SPMIP7: variants seen among roughly 807,000 people sequenced by gnomAD.
The protein encoded by SPMIP7 is sperm microtubule inner protein 7.
the SPMIP7 span, among the ~76,000 whole-genome samples, chr7:50,126,481 A>C: frequency 2.0e-5 from 3 of 151,966 alleles, no homozygotes; most frequent in Non-Finnish European, 4.4e-5. Context: ...CACCAATCTT[A>C]TATAGGTTAT....
chr7:50,133,248 T>C, the SPMIP7 span, among the ~76,000 whole-genome samples: 1 of 152,010 alleles, frequency 6.6e-6, no homozygotes, highest in Non-Finnish European at 1.5e-5. Flanking sequence ...TGTGTGTGTG[T>C]GTGTGTGTTT....
At chr7:50,099,537 G>A in the SPMIP7 span, among the ~76,000 whole-genome samples, 1 of 152,176 alleles carries the variant, frequency 6.6e-6, no homozygotes, top group Non-Finnish European at 1.5e-5. Context: ...ACCTGGTCTT[G>A]TAAAGAAGAA....
At chr7:50,115,297 A>G in the SPMIP7 span, among the ~76,000 whole-genome samples, 1 of 152,194 alleles carries the variant, frequency 6.6e-6, no homozygotes, top group Admixed American at 6.5e-5. Flanking sequence ...ACCTAATAAC[A>G]GAACTCAAAA....
the SPMIP7 span, among the ~76,000 whole-genome samples, chr7:50,142,324 G>C: frequency 1.7e-4 from 26 of 152,290 alleles, no homozygotes; most frequent in African/African-American, 6.3e-4. Context: ...TCTTCAAAGA[G>C]AGTGAAGAGC....
chr7:50,146,143 G>C, the SPMIP7 span, among the ~76,000 whole-genome samples: 2 of 152,140 alleles, frequency 1.3e-5, no homozygotes, highest in Admixed American at 1.3e-4. Context: ...CAATACTTCT[G>C]CCTTTTCAGA....
At chr7:50,135,594 A>C in the SPMIP7 span, among the ~76,000 whole-genome samples, 1 of 152,226 alleles carries the variant, frequency 6.6e-6, no homozygotes, top group African/African-American at 2.4e-5. Context: ...ATTTTAAAGG[A>C]TCTCTAAACT....
At chr7:50,137,838 T>C in the SPMIP7 span, among the ~76,000 whole-genome samples, 1 of 152,332 alleles carries the variant, frequency 6.6e-6, no homozygotes, top group African/African-American at 2.4e-5. Context: ...TTGTCCCTTT[T>C]GCTGTTGGGT....
chr7:50,151,431 T>C, the SPMIP7 span: 1 of 1,515,098 alleles, frequency 6.6e-7, no homozygotes, highest in Non-Finnish European at 9.0e-7. Context: ...TTTCCTCCTC[T>C]CTTAACTCTT....
At chr7:50,117,213 T>C in the SPMIP7 span, 1 of 455,076 alleles carries the variant, frequency 2.2e-6, no homozygotes, top group South Asian at 1.6e-5. Flanking sequence ...TTCACGCTGT[T>C]CATTCATGAA....
At chr7:50,151,509 A>G in the SPMIP7 span, 1 of 1,551,622 alleles carries the variant, frequency 6.4e-7, no homozygotes. Flanking sequence ...CACCCAGCAA[A>G]TTCTAATATT....
At chr7:50,116,734 A>G in the SPMIP7 span, among the ~76,000 whole-genome samples, 1 of 152,306 alleles carries the variant, frequency 6.6e-6, no homozygotes, top group African/African-American at 2.4e-5. Flanking sequence ...TGGGATTTTG[A>G]AAAGTTCTTT....
At chr7:50,140,783 T>C in the SPMIP7 span, among the ~76,000 whole-genome samples, 59 of 152,234 alleles carry the variant, frequency 3.9e-4, no homozygotes, top group Non-Finnish European at 7.3e-4. Flanking sequence ...CTAGTGTTTC[T>C]ACCAGTGGCC....
chr7:50,136,303 C>G, the SPMIP7 span: 3 of 637,754 alleles, frequency 4.7e-6, no homozygotes, highest in Middle Eastern at 4.2e-4. Context: ...CCAGGGACTC[C>G]CTGACTCACA....
At chr7:50,152,847 C>G in the SPMIP7 span, among the ~76,000 whole-genome samples, 3 of 151,994 alleles carry the variant, frequency 2.0e-5, no homozygotes, top group South Asian at 6.2e-4. Context: ...CTATCACGCC[C>G]AGCTAATTTT....
At chr7:50,115,895 A>G in the SPMIP7 span, among the ~76,000 whole-genome samples, 1 of 152,162 alleles carries the variant, frequency 6.6e-6, no homozygotes, top group Admixed American at 6.5e-5. Flanking sequence ...TGTTGAAAGC[A>G]TCCCCTGTGT....
At chr7:50,137,429 T>C in the SPMIP7 span, among the ~76,000 whole-genome samples, 1 of 152,176 alleles carries the variant, frequency 6.6e-6, no homozygotes, top group South Asian at 2.1e-4. Flanking sequence ...TATTCATCCA[T>C]TCTCATAATT....
the SPMIP7 span, among the ~76,000 whole-genome samples, chr7:50,122,337 T>G: frequency 8.0e-5 from 12 of 150,616 alleles, no homozygotes; most frequent in Non-Finnish European, 1.3e-4. Context: ...ATTTAATAAA[T>G]GGTGCTGGGA....
chr7:50,134,679 A>G, the SPMIP7 span, among the ~76,000 whole-genome samples: 1 of 152,214 alleles, frequency 6.6e-6, no homozygotes, highest in Non-Finnish European at 1.5e-5. Context: ...GAGAAGATCC[A>G]TAGATTGCTA....
At chr7:50,145,618 G>GTATATATATATA in the SPMIP7 span, among the ~76,000 whole-genome samples, 25 of 27,676 alleles carry the variant, frequency 9.0e-4, 1 homozygote, top group African/African-American at 2.5e-3. Context: ...ATATGTGTGT[G>GTATATATATATA]TATATATATA....
Sources: allele counts gnomAD v4.1 joint callset (sites outside exome capture counted in the v4.1 genomes callset), GRCh38; gene constraint gnomAD v4.1.1; transcripts MANE v1.5; gene names NCBI Gene and HGNC (gene_info 2026-07-23, HGNC 2026-07-21).